Variants in CHST15 observed in about 807,000 individuals in gnomAD.
The protein encoded by CHST15 is carbohydrate sulfotransferase 15.
A neutral mutation model predicts 53.6 loss-of-function variants in CHST15; 30 were observed. That is an observed-to-expected ratio of 0.56 (90% confidence interval 0.42 to 0.76). The LOEUF (loss-of-function observed/expected upper bound fraction) is 0.76. CHST15 is among the 30% of genes least tolerant of loss of function. The pLI is 0.00. For synonymous variants in CHST15, 296 were observed against 289.8 expected, an observed-to-expected ratio of 1.02 and a Z score of -0.22; for missense variants, 627 against 740.5, an observed-to-expected ratio of 0.85 and a Z score of 1.78.
chr10:124,071,030 G>A (rs1043202388), intron 1 of CHST15, among the ~76,000 whole-genome samples: 4 of 152,156 alleles, frequency 2.6e-5, no homozygotes, highest in South Asian at 2.1e-4. Flanking sequence ...AGTATTTGGC[G>A]GTGCTCTCTA....
intron 1 of CHST15, among the ~76,000 whole-genome samples, chr10:124,078,771 G>A (rs1949153556): frequency 6.6e-6 from 1 of 152,158 alleles, no homozygotes; most frequent in Non-Finnish European, 1.5e-5. Flanking sequence ...TAGATCCCTA[G>A]GTTTAATAAG....
At chr10:124,038,812 A>C (rs1448712449) in intron 4 of CHST15, 141 bp from the exon 5 acceptor site, 1 of 809,192 alleles carries the variant, frequency 1.2e-6, no homozygotes, top group Non-Finnish European at 1.9e-6. Context: ...CTTTGCGGGC[A>C]TCTGGGACTC....
chr10:124,009,970 G>C lies in CHST15; in HGVS notation c.*179C>G. On this transcript the variant is annotated 3_prime_UTR_variant, in exon 8 of 8. Coordinates refer to ENST00000435907, the MANE Select transcript of CHST15 (RefSeq NM_001270764.2). ...AGAGGAGCTCTGTGAGGGGTCCATT[G>C]CTGAGCTCTCGAACATCACGAAGGA... 6.9e-7 allele frequency: 1 copy of C among 1,446,294 alleles called. No individual in the cohort carries two copies. The highest frequency in any genetic ancestry group is 1.4e-5 in the African/African-American group (1 of 70,232). 89.6% of individuals were successfully genotyped at this position (1,446,294 alleles called of 1,614,324 possible). A position where few individuals can be genotyped will look rare whatever the true frequency, so the allele number is the denominator to read the frequency against.
Position 124,035,100 on chromosome 10 carries a change from CA to C in CHST15, c.1190+3414del, listed in dbSNP as rs1319028494. Among the ~76,000 whole-genome samples, 136 of 126,902 alleles carry C rather than the reference CA, an allele frequency of 1.1e-3. 1 individual carries two copies. The highest frequency in any genetic ancestry group is 3.6e-3 in the African/African-American group (117 of 32,272). 83.3% of individuals were successfully genotyped at this position (126,902 alleles called of 152,430 possible). ...ACAGGGACGCCGGCTCCACCCCTAA[CA>C]GGGACCCCGGCTCCGCCCCCTAACA... On this transcript the variant is annotated intron_variant, in intron 5 of 7. Transcript: ENST00000435907.
intron 5 of CHST15, among the ~76,000 whole-genome samples, chr10:124,023,618 C>G (rs1946876009): frequency 6.6e-6 from 1 of 152,094 alleles, no homozygotes; most frequent in South Asian, 2.1e-4. Flanking sequence ...ATGTCCCACT[C>G]TCTTCTTGCA....
intron 6 of CHST15, chr10:124,020,220 C>G (rs1201216363): frequency 4.1e-6 from 4 of 985,386 alleles, no homozygotes; most frequent in Non-Finnish European, 4.8e-6. Flanking sequence ...CATTATTACC[C>G]CATTGTATGA....
chr10:124,060,817 G>A (rs1319263636), intron 1 of CHST15, among the ~76,000 whole-genome samples: 1 of 152,218 alleles, frequency 6.6e-6, no homozygotes, highest in Non-Finnish European at 1.5e-5. Context: ...CTTGCTGGCT[G>A]CAAGCTGTCG....
chr10:124,036,346 G>T lies in CHST15; in HGVS notation c.1190+2169C>A, dbSNP rs1947497313. On this transcript the variant is annotated intron_variant, in intron 5 of 7. Coordinates refer to ENST00000435907, the MANE Select transcript of CHST15 (RefSeq NM_001270764.2). This position sits in a 1 kb window ranked among gnomAD's most constrained non-coding sequence, Gnocchi z 5.1. ...GGCAAGGGACGGCAAGTCAGTGCCTGCCTCAGAACAGAGTGGAAGAAGTCC... is the reference window on the plus strand; with the variant it reads ...GGCAAGGGACGGCAAGTCAGTGCCTTCCTCAGAACAGAGTGGAAGAAGTCC... Among the ~76,000 whole-genome samples the T allele has an allele frequency of 6.6e-6, 1 of 152,194 alleles. No homozygotes were observed. The highest frequency in any genetic ancestry group is 6.5e-5 in the Admixed American group (1 of 15,282).
At chr10:124,088,164 C>T (rs1949491974) in intron 1 of CHST15, among the ~76,000 whole-genome samples, 1 of 152,240 alleles carries the variant, frequency 6.6e-6, no homozygotes, top group Non-Finnish European at 1.5e-5. Context: ...CAGGTATTAA[C>T]TCTGAAAAGA....
At chr10:124,085,951 C>T (rs182318470) in intron 1 of CHST15, among the ~76,000 whole-genome samples, 190 of 152,272 alleles carry the variant, frequency 1.2e-3, no homozygotes, top group Non-Finnish European at 2.3e-3. Context: ...GCTGGCCAGG[C>T]GTCTCGTTGC....
chr10:124,048,940 TG>T (rs1337643897), intron 1 of CHST15, among the ~76,000 whole-genome samples: 7 of 152,024 alleles, frequency 4.6e-5, no homozygotes, highest in Admixed American at 4.6e-4. Flanking sequence ...GGAGGGAAGA[TG>T]GGGTGCCCGG....
rs1948007514 is a variant in CHST15, at chr10:124,046,415, AAAC to A, written c.-206_-204del. 1.9e-6 allele frequency: 1 copy of A among 536,974 alleles called. No individual in the cohort carries two copies. The allele number at this position is 536,974 out of a possible 1,614,324, so 33.3% of individuals were successfully genotyped here. On this transcript the variant is annotated 5_prime_UTR_variant, in exon 2 of 8. Coordinates refer to ENST00000435907, the MANE Select transcript of CHST15 (RefSeq NM_001270764.2). ...CATTCTTTGGTTCAGCTCCGAAAGA[AAAC>A]AAAAGGAAGTGATGTCCCAGAGTCA... is the stretch of plus-strand genomic sequence containing the variant.
At chr10:124,016,913 T>A (rs901600517) in intron 6 of CHST15, among the ~76,000 whole-genome samples, 9 of 152,156 alleles carry the variant, frequency 5.9e-5, no homozygotes, top group Admixed American at 2.6e-4. Context: ...ATGGTGCCCA[T>A]GAACTTATGG....
chr10:124,021,041 T>A lies in CHST15; in HGVS notation c.1347+215A>T, dbSNP rs1010586564. 19 of 1,432,342 alleles carry A rather than the reference T, an allele frequency of 1.3e-5. No individual in the cohort carries two copies. The African/African-American group carries it at 2.3e-4, about 17-fold the overall frequency. 88.7% of individuals were successfully genotyped at this position (1,432,342 alleles called of 1,614,324 possible). ...TGAGGGAGGAGGGGGAGGTGGCAGG[T>A]GACCAGCAGGGAGGAAGGCAGGAGC... On this transcript the variant is annotated intron_variant, in intron 6 of 7. Transcript: ENST00000435907.
At chr10:124,020,474 C>T (rs556436871) in intron 6 of CHST15, 63 of 985,522 alleles carry the variant, frequency 6.4e-5, no homozygotes, top group South Asian at 1.9e-4. Context: ...CCAGATCCCA[C>T]GGCCTCTGTA....
intron 5 of CHST15, among the ~76,000 whole-genome samples, chr10:124,027,563 C>A (rs1286487208): frequency 6.6e-6 from 1 of 152,230 alleles, no homozygotes; most frequent in Middle Eastern, 3.2e-3. Flanking sequence ...CCCGCCAGGG[C>A]TCTGTGTGAT....
chr10:124,054,450 A>G (rs976856707), intron 1 of CHST15, among the ~76,000 whole-genome samples: 1 of 152,250 alleles, frequency 6.6e-6, no homozygotes, highest in African/African-American at 2.4e-5. Flanking sequence ...GTTTTAGTCC[A>G]TAAGCCATAT....
intron 4 of CHST15, among the ~76,000 whole-genome samples, chr10:124,039,303 G>C (rs1291313511): frequency 6.6e-6 from 1 of 152,208 alleles, no homozygotes; most frequent in East Asian, 1.9e-4. Flanking sequence ...ACATTTCAGA[G>C]CCGGGAGGAG....
At chr10:124,088,403 A>G (rs1949503531) in intron 1 of CHST15, among the ~76,000 whole-genome samples, 1 of 152,218 alleles carries the variant, frequency 6.6e-6, no homozygotes, top group Non-Finnish European at 1.5e-5. Flanking sequence ...CAGGGCAGAA[A>G]CGCTGCAGGT....
Sources: gnomAD v4.1 joint callset for allele counts (sites outside exome capture counted in the v4.1 genomes callset) on GRCh38, gnomAD v4.1.1 for gene constraint, Gnocchi (gnomAD v3.1) non-coding constraint, MANE v1.5 for transcripts, NCBI Gene and HGNC (gene_info 2026-07-23, HGNC 2026-07-21) for gene names.